NAV3: variants seen among roughly 807,000 people sequenced by gnomAD.
NAV3 encodes the protein neuron navigator 3.
A neutral mutation model predicts 244.7 loss-of-function variants in NAV3; 87 were observed. That is an observed-to-expected ratio of 0.36 (90% confidence interval 0.30 to 0.42). NAV3 has a LOEUF of 0.42. Among genes scored for constraint, NAV3 ranks in the 20% least tolerant of loss-of-function variants. The pLI is 1.00. For synonymous variants in NAV3, 1,126 were observed against 1,042.2 expected (o/e 1.08, Z -1.55); for missense variants, 2,663 against 2,893.3 (o/e 0.92, Z 1.83).
chr12:78,140,014 T>C (rs1173594971), intron 19 of NAV3, among the ~76,000 whole-genome samples: 1 of 152,170 alleles, frequency 6.6e-6, no homozygotes, highest in African/African-American at 2.4e-5. Context: ...GCTTTCAACA[T>C]GTACGAAACA....
intron 39 of NAV3, among the ~76,000 whole-genome samples, chr12:78,208,483 T>C (rs1484459530): frequency 2.6e-5 from 4 of 152,160 alleles, no homozygotes; most frequent in Non-Finnish European, 5.9e-5. Context: ...ATTAATACTT[T>C]TTGGAGAATT....
intron 1 of NAV3, among the ~76,000 whole-genome samples, chr12:77,877,819 G>A (rs149519916): frequency 9.1e-4 from 138 of 152,112 alleles, no homozygotes; most frequent in African/African-American, 3.2e-3. Flanking sequence ...AGGGAGAGGC[G>A]AAAAATAACT....
At chr12:78,060,846 G>A (rs1352025407) in intron 12 of NAV3, among the ~76,000 whole-genome samples, 1 of 152,062 alleles carries the variant, frequency 6.6e-6, no homozygotes, top group East Asian at 1.9e-4. Flanking sequence ...GTCATGGGAG[G>A]GAATATCTGC....
At chr12:78,093,555 A>G (rs1566121390) in intron 12 of NAV3, among the ~76,000 whole-genome samples, 1 of 152,202 alleles carries the variant, frequency 6.6e-6, no homozygotes, top group East Asian at 1.9e-4. Context: ...ACTATGGTGT[A>G]AAGATTTGTA....
In NAV3 at chr12:77,862,477, A is replaced by G. The variant is rs149215644; in HGVS notation, c.243+30773A>G. Among the ~76,000 whole-genome samples the G allele has an allele frequency of 1.5e-3, 232 of 151,864 alleles. 2 individuals are homozygous for G. Among genetic ancestry groups the G allele is most frequent in the African/African-American group, 5.3e-3 (218 of 41,516 alleles). ...ATCATCTATAACTGATGCTGAATCC[A>G]CTGCGGCCAGGCTGCAGAATCAGTT... On this transcript the variant is annotated intron_variant, in intron 1 of 39. Transcript: ENST00000397909.
chr12:78,089,358 AT>A (rs149437047), intron 12 of NAV3, among the ~76,000 whole-genome samples: 127 of 152,264 alleles, frequency 8.3e-4, no homozygotes, highest in African/African-American at 2.7e-3. Flanking sequence ...ATTTTAACAT[AT>A]TTTTTAAAGC....
At chr12:77,606,086 G>A (rs1381439429) in intron 2 of NAV3, among the ~76,000 whole-genome samples, 1 of 152,120 alleles carries the variant, frequency 6.6e-6, no homozygotes, top group East Asian at 1.9e-4. Flanking sequence ...GATACCGTCT[G>A]AAAAACCTCA....
chr12:77,764,141 A>G (rs550643139), intron 2 of NAV3, among the ~76,000 whole-genome samples: 1 of 152,332 alleles, frequency 6.6e-6, no homozygotes, highest in South Asian at 2.1e-4. Flanking sequence ...TGCCTTCTGA[A>G]GTACAGCAAC....
chr12:77,772,410 CTT>C (rs924891865), intron 2 of NAV3, among the ~76,000 whole-genome samples: 1 of 151,960 alleles, frequency 6.6e-6, no homozygotes, highest in African/African-American at 2.4e-5. Flanking sequence ...TATTAATAAA[CTT>C]CAACTCTACT....
At chr12:77,928,115 C>T (rs975987807) in intron 1 of NAV3, among the ~76,000 whole-genome samples, 5 of 147,998 alleles carry the variant, frequency 3.4e-5, no homozygotes, top group East Asian at 2.1e-4. Flanking sequence ...CCCAGCTACT[C>T]GGGAGACTGA....
intron 2 of NAV3, among the ~76,000 whole-genome samples, chr12:77,694,769 T>C (rs1368098078): frequency 6.6e-6 from 1 of 152,172 alleles, no homozygotes; most frequent in Admixed American, 6.6e-5. Context: ...AGAGATTGGG[T>C]CACTTGTGAA....
chr12:77,634,896 T>C (rs1349769604), intron 2 of NAV3, among the ~76,000 whole-genome samples: 2 of 150,914 alleles, frequency 1.3e-5, no homozygotes, highest in Admixed American at 1.3e-4. Context: ...ATTGTAACTC[T>C]AGCAAGTGTT....
chr12:77,730,793 C>T (rs1232291693), intron 2 of NAV3, among the ~76,000 whole-genome samples: 1 of 142,996 alleles, frequency 7.0e-6, no homozygotes, highest in Non-Finnish European at 1.5e-5. Context: ...TTAAAGAAGA[C>T]AAAAAAGCAC....
intron 12 of NAV3, among the ~76,000 whole-genome samples, chr12:78,063,274 A>G (rs1884559980): frequency 6.6e-6 from 1 of 152,212 alleles, no homozygotes; most frequent in Non-Finnish European, 1.5e-5. Context: ...AGATTGCAGA[A>G]TGGGTATAAT....
At chr12:77,993,174 G>C (rs930978537) in intron 5 of NAV3, among the ~76,000 whole-genome samples, 7 of 152,066 alleles carry the variant, frequency 4.6e-5, no homozygotes, top group Non-Finnish European at 8.8e-5. Flanking sequence ...AAAATAATGA[G>C]GTGGGGGGAC....
At chr12:78,090,220 A>G (rs1953853775) in intron 12 of NAV3, among the ~76,000 whole-genome samples, 1 of 147,812 alleles carries the variant, frequency 6.8e-6, no homozygotes. Flanking sequence ...AATTATACAT[A>G]TATAAAGTTG....
chr12:77,827,155 C>T (rs573815708), upstream of NAV3, among the ~76,000 whole-genome samples: 1 of 148,350 alleles, frequency 6.7e-6, no homozygotes, highest in African/African-American at 2.5e-5. Context: ...ATCGCTTGAA[C>T]CCGGGAGGCA....
intron 2 of NAV3, among the ~76,000 whole-genome samples, chr12:77,669,634 G>T (rs1182146188): frequency 6.6e-6 from 1 of 152,090 alleles, no homozygotes; most frequent in Non-Finnish European, 1.5e-5. Flanking sequence ...TAAAAGACTA[G>T]TACAACAGGA....
chr12:77,576,858 T>A (rs1869110842), intron 2 of NAV3, among the ~76,000 whole-genome samples: 1 of 152,046 alleles, frequency 6.6e-6, no homozygotes, highest in African/African-American at 2.4e-5. Flanking sequence ...TTTTTATAAA[T>A]CTACCTGACT....
Sources: gnomAD v4.1 joint callset for allele counts (sites outside exome capture counted in the v4.1 genomes callset) on GRCh38, gnomAD v4.1.1 for gene constraint, MANE v1.5 for transcripts, NCBI Gene and HGNC (gene_info 2026-07-23, HGNC 2026-07-21) for gene names.